The following ODAD1 variants were observed in gnomAD, a reference collection of about 807,000 sequenced individuals.
ODAD1 encodes outer dynein arm docking complex subunit 1.
A neutral mutation model predicts 67.2 loss-of-function variants in ODAD1; 49 were observed. That is an observed-to-expected ratio of 0.73 (90% CI 0.58 to 0.92). The LOEUF (loss-of-function observed/expected upper bound fraction) is 0.92, where lower values mean the gene tolerates loss of function less well. ODAD1 is among the 40% of genes least tolerant of loss of function. The pLI is 0.00. For synonymous variants in ODAD1, 345 were observed against 393.7 expected, an observed-to-expected ratio of 0.88 and a Z score of 1.46; for missense variants, 897 against 953.7, an observed-to-expected ratio of 0.94 and a Z score of 0.78.
chr19:48,318,741 C>T lies in ODAD1; in HGVS notation c.142G>A (p.Glu48Lys), dbSNP rs1238974366. The T allele has an allele frequency of 6.4e-7, 1 of 1,551,188 alleles. No individual in the cohort carries two copies. The highest frequency in any genetic ancestry group is 1.4e-5 in the African/African-American group (1 of 72,982). The change falls in exon 4 of 16, where the codon GAA (glutamate) becomes AAA (lysine). Residue 48 changes from glutamate (E) to lysine (K), a missense_variant. Glu to Lys is a moderately conservative substitution (Grantham distance 56, BLOSUM62 1). Transcript: ENST00000674294. ...TGCTTGTTGATGCGCTGGTGGACTT[C>T]CTTGCTGTAGGCCCGCCTCTCCCCT... ...MEGERRAYSK[E>K]VHQRINKQLE... is the part of the protein sequence containing the mutation.
At chr19:48,314,679 G>A (rs1238369370) in intron 5 of ODAD1, among the ~76,000 whole-genome samples, 7 of 152,146 alleles carry the variant, frequency 4.6e-5, no homozygotes, top group South Asian at 4.2e-4. Context: ...AGTGTCTCAC[G>A]CCTGTAATCC....
At chr19:48,307,564 C>A (rs2147322571) in intron 7 of ODAD1, among the ~76,000 whole-genome samples, 1 of 152,242 alleles carries the variant, frequency 6.6e-6, no homozygotes, top group Admixed American at 6.5e-5. Context: ...GCCTGTAATC[C>A]CAGCACTGTG....
Position 48,296,883 on chromosome 19 carries a change from GAC to G in ODAD1, c.*91_*92del. Reference sequence around the variant, plus strand: ...CAGAGGCCTGCCACTGGGAGAAAAAGACAGAGACCCACAAGGCAAACAGGGGA... The same window carrying G: ...CAGAGGCCTGCCACTGGGAGAAAAAGAGAGACCCACAAGGCAAACAGGGGA... On this transcript the variant is annotated 3_prime_UTR_variant, in exon 16 of 16. Transcript: ENST00000674294. 1 of 1,443,802 alleles carries G rather than the reference GAC, an allele frequency of 6.9e-7. No individual in the cohort carries two copies. Among genetic ancestry groups the G allele is most frequent in the African/African-American group, 1.4e-5 (1 of 69,912 alleles). 89.4% of individuals were successfully genotyped at this position (1,443,802 alleles called of 1,614,324 possible). A position where few individuals can be genotyped will look rare whatever the true frequency, so the allele number is the denominator to read the frequency against.
chr19:48,302,677 C>CG lies in ODAD1; in HGVS notation c.1240+16dup. On this transcript the variant is annotated intron_variant, in intron 12 of 15. Coordinates refer to ENST00000674294, the MANE Select transcript of ODAD1 (RefSeq NM_001364171.2). ...TGGAGAAGCCAGGCTCGGGAGGGGG[C>CG]GCCCATGGGTGCTCACCAGCCTTGA... is the stretch of plus-strand genomic sequence containing the variant. 6.3e-7 allele frequency: 1 copy of CG among 1,593,846 alleles called. No individual in the cohort carries two copies. Among genetic ancestry groups the CG allele is most frequent in the Non-Finnish European group, 8.5e-7 (1 of 1,171,418 alleles).
At chr19:48,306,466 A>T in intron 7 of ODAD1, 143 bp from the exon 8 acceptor site, 1 of 636,860 alleles carries the variant, frequency 1.6e-6, no homozygotes, top group Non-Finnish European at 2.8e-6. Context: ...GCGACTGCCC[A>T]TGAAAGGGAT....
At chr19:48,318,612 G>A in intron 4 of ODAD1, 36 bp from the exon 5 acceptor site, 2 of 1,546,698 alleles carry the variant, frequency 1.3e-6, no homozygotes, top group Non-Finnish European at 1.7e-6. Context: ...GGGCCAGTAA[G>A]GGGGCAGAAC....
At chr19:48,320,145 G>A in intron 3 of ODAD1, 154 bp downstream of exon 3, 1 of 895,066 alleles carries the variant, frequency 1.1e-6, no homozygotes, top group Non-Finnish European at 1.4e-6. Context: ...CACCCACCGT[G>A]GTGCCCGCCC....
At chr19:48,314,967 T>C (rs1685432731) in intron 5 of ODAD1, among the ~76,000 whole-genome samples, 1 of 151,606 alleles carries the variant, frequency 6.6e-6, no homozygotes, top group South Asian at 2.1e-4. Context: ...GAAAAAGAAA[T>C]GTCCAAAATG....
In ODAD1 at chr19:48,297,420, G is replaced by C; in HGVS notation, c.1680C>G (p.Thr560=). 1 of 1,604,964 alleles carries C rather than the reference G, an allele frequency of 6.2e-7. No individual in the cohort carries two copies. Among genetic ancestry groups the C allele is most frequent in the Non-Finnish European group, 8.5e-7 (1 of 1,179,712 alleles). ...GGACGGTACTGGAGCCGGCCCTCTGGGTGCTGGCCAGGTCCACGCTCAGGG... is the reference window on the plus strand; with the variant it reads ...GGACGGTACTGGAGCCGGCCCTCTGCGTGCTGGCCAGGTCCACGCTCAGGG... ...DGTLSVDLAS[T]QRAGSSTVLV... Residue 560 remains threonine (T), a synonymous_variant, in exon 16 of 16, where the codon ACC becomes ACG. Transcript: ENST00000674294.
rs756295340 is a variant in ODAD1, at chr19:48,302,789, A to T, written c.1145T>A (p.Val382Glu). 1.9e-6 allele frequency: 3 copies of T among 1,613,818 alleles called. No individual in the cohort carries two copies. Among genetic ancestry groups the T allele is most frequent in the Non-Finnish European group, 2.5e-6 (3 of 1,180,014 alleles). The stretch of plus-strand genomic sequence containing the variant: ...CACCTTGTCCATGCGCTGCTGCAAC[A>T]CCTTCTGCTGCTGCTCCTGCAGCAA... Reference protein sequence around the residue: ...QHLLQEQQQKVLQQRMDKVHS... With the variant: ...QHLLQEQQQKELQQRMDKVHS... The change falls in exon 12 of 16, where the codon GTG (valine) becomes GAG (glutamate). Residue 382 changes from valine to glutamate, a missense_variant. Physicochemically the swap from Val to Glu is moderately radical, Grantham distance 121. Transcript: ENST00000674294.
At chr19:48,309,215 G>A (rs1968696857) in intron 7 of ODAD1, among the ~76,000 whole-genome samples, 1 of 152,172 alleles carries the variant, frequency 6.6e-6, no homozygotes, top group African/African-American at 2.4e-5. Flanking sequence ...ATGGCAGCAG[G>A]AGGCAGGCAG....
intron 8 of ODAD1, among the ~76,000 whole-genome samples, chr19:48,304,974 T>A (rs1169867861): frequency 6.6e-6 from 1 of 152,218 alleles, no homozygotes; most frequent in Non-Finnish European, 1.5e-5. Flanking sequence ...TACTAAATGC[T>A]GCTACATTCT....
chr19:48,303,634 C>A lies in ODAD1; in HGVS notation c.988+16G>T, dbSNP rs760887409. On this transcript the variant is annotated intron_variant, in intron 10 of 15. Transcript: ENST00000674294. Reference sequence around the variant, plus strand: ...GGGGTCCCGGGCCTCCTCCCTCCACCCAGGGCCCCACTCACTCTCCAGATA... The same window carrying A: ...GGGGTCCCGGGCCTCCTCCCTCCACACAGGGCCCCACTCACTCTCCAGATA... 1 of 1,613,842 alleles carries A rather than the reference C, an allele frequency of 6.2e-7. No individual in the cohort carries two copies. The highest frequency in any genetic ancestry group is 1.3e-5 in the African/African-American group (1 of 74,908).
chr19:48,297,246 G>A lies in ODAD1; in HGVS notation c.1854C>T (p.Pro618=), dbSNP rs1281588446. The A allele has an allele frequency of 2.5e-6, 4 of 1,614,120 alleles. No homozygotes were observed. Among genetic ancestry groups the A allele is most frequent in the Non-Finnish European group, 3.4e-6 (4 of 1,180,022 alleles). The change falls in exon 16 of 16, where the codon CCC becomes CCT. Residue 618 remains proline, a synonymous_variant. Transcript: ENST00000674294. The stretch of plus-strand genomic sequence containing the variant: ...AGCCGAAGGTCACGTGGCCAGTGTT[G>A]GGGTCACCGTGCGTGATGTGGCTGG... ...HLPSHITHGD[P]NTGHVTFGST...
Position 48,297,524 on chromosome 19 carries a change from G to A in ODAD1, c.1582-6C>T, listed in dbSNP as rs58160570. Reference sequence around the variant, plus strand: ...GCCTGCTCCTGGAGCTCCACCTGCAGGGAAGGTGAACTGGGCCCCGACACA... The same window carrying A: ...GCCTGCTCCTGGAGCTCCACCTGCAAGGAAGGTGAACTGGGCCCCGACACA... On this transcript the variant is annotated splice_polypyrimidine_tract_variant and splice_region_variant and intron_variant, in intron 15 of 15. Coordinates refer to ENST00000674294, the MANE Select transcript of ODAD1 (RefSeq NM_001364171.2). 5.0e-6 allele frequency: 8 copies of A among 1,603,106 alleles called. No homozygotes were observed. In the South Asian group the frequency reaches 6.7e-5, roughly 13 times the overall value.
intron 12 of ODAD1, among the ~76,000 whole-genome samples, chr19:48,302,367 A>AATGGATGGATGGATGG (rs3077987): frequency 7.0e-6 from 1 of 142,504 alleles, no homozygotes. Flanking sequence ...ACAGACGTTG[A>AATGGATGGATGGATGG]ATGGATGGAT....
In ODAD1 at chr19:48,304,119, C is replaced by G. The variant is rs768205609; in HGVS notation, c.687G>C (p.Met229Ile). The change falls in exon 9 of 16, where the codon ATG becomes ATC. Residue 229 changes from methionine to isoleucine, a missense_variant. Met to Ile is a conservative substitution (Grantham distance 10). Coordinates refer to ENST00000674294, the MANE Select transcript of ODAD1 (RefSeq NM_001364171.2). ...YAVREEAKAK[M>I]GLLRERAEKE... ...TCTCCGCGCGCTCCCGCAGCAAGCC[C>G]ATCTTGGCCTTCGCCTCCTCCCTGC... 3 of 1,610,206 alleles carry G rather than the reference C, an allele frequency of 1.9e-6. No homozygotes were observed. In the Admixed American group the frequency reaches 5.0e-5, roughly 27 times the overall value.
Position 48,297,464 on chromosome 19 carries a change from C to G in ODAD1, c.1636G>C (p.Ala546Pro). The stretch of plus-strand genomic sequence containing the variant: ...CTCAGGGTGCCGTCCAGCTTCGCGG[C>G]GGCGGCGGCCAGGTCCTTCTGGCGC... ...AQRQKDLAAA[A>P]AKLDGTLSVD... Residue 546 changes from alanine (A) to proline (P), a missense_variant, in exon 16 of 16, where the codon GCC (alanine) becomes CCC (proline). Ala to Pro is a conservative substitution (Grantham distance 27). Transcript: ENST00000674294. The G allele has an allele frequency of 6.2e-7, 1 of 1,600,426 alleles. No homozygotes were observed. The highest frequency in any genetic ancestry group is 8.5e-7 in the Non-Finnish European group (1 of 1,176,928).
chr19:48,297,543 C>A, intron 15 of ODAD1, 25 bp from the exon 16 acceptor site: 1 of 1,597,310 alleles, frequency 6.3e-7, no homozygotes, highest in African/African-American at 1.3e-5. Context: ...AACTGGGCCC[C>A]GACACACACT....
Sources: gnomAD v4.1 joint callset for allele counts (sites outside exome capture counted in the v4.1 genomes callset) on GRCh38, gnomAD v4.1.1 for gene constraint, MANE v1.5 for transcripts, NCBI Gene and HGNC (gene_info 2026-07-23, HGNC 2026-07-21) for gene names.